The following ADAMTSL1 variants were observed in gnomAD, a reference collection of about 807,000 sequenced individuals.
ADAMTSL1 encodes the protein ADAMTS-like protein 1.
ADAMTSL1 carries 126 observed loss-of-function variants against 201.8 expected under a neutral mutation model. That is an observed-to-expected ratio of 0.62 (90% CI 0.54 to 0.72). ADAMTSL1 has a LOEUF of 0.72. ADAMTSL1 is among the 30% of genes least tolerant of loss of function. The pLI is 0.00. For missense variants in ADAMTSL1, 2,679 were observed against 2,277.8 expected, an observed-to-expected ratio of 1.18 and a Z score of -3.59; for synonymous variants, 1,121 against 903.4, an observed-to-expected ratio of 1.24 and a Z score of -4.32.
intron 2 of ADAMTSL1, among the ~76,000 whole-genome samples, chr9:18,381,692 A>G (rs953858875): frequency 6.6e-6 from 1 of 152,132 alleles, no homozygotes; most frequent in Admixed American, 6.6e-5. Flanking sequence ...ATGAAGGGCC[A>G]TGATGTTACT....
chr9:18,774,549 G>A lies in ADAMTSL1; in HGVS notation c.2398-1194G>A, dbSNP rs184696192. Among the ~76,000 whole-genome samples, 7 of 151,746 alleles carry A rather than the reference G, an allele frequency of 4.6e-5. No individual in the cohort carries two copies. In the East Asian group the frequency reaches 1.4e-3, roughly 29 times the overall value. On this transcript the variant is annotated intron_variant, in intron 17 of 28. Coordinates refer to ENST00000380548, the MANE Select transcript of ADAMTSL1 (RefSeq NM_001040272.6). Reference sequence around the variant, plus strand: ...AGTGTACTATAAGCATTACATTATTGTTACCATTAATTTTATACTACTTTA... The same window carrying A: ...AGTGTACTATAAGCATTACATTATTATTACCATTAATTTTATACTACTTTA...
chr9:18,151,419 C>T (rs1046641181), intron 1 of ADAMTSL1, among the ~76,000 whole-genome samples: 11 of 152,006 alleles, frequency 7.2e-5, no homozygotes, highest in African/African-American at 2.7e-4. Context: ...TAAATTTTTT[C>T]TTCAGCTCCT....
chr9:17,989,788 T>A (rs545419343), intron 1 of ADAMTSL1, among the ~76,000 whole-genome samples: 1 of 151,974 alleles, frequency 6.6e-6, no homozygotes, highest in Non-Finnish European at 1.5e-5. Flanking sequence ...TTGTTGGACA[T>A]TGACATTTTA....
intron 9 of ADAMTSL1, among the ~76,000 whole-genome samples, chr9:18,662,797 A>G (rs1435749703): frequency 6.6e-6 from 1 of 152,234 alleles, no homozygotes; most frequent in Non-Finnish European, 1.5e-5. Context: ...AGTGCAGGTC[A>G]AGAATCTTTT....
At chr9:18,862,361 C>A (rs753548342) in intron 23 of ADAMTSL1, among the ~76,000 whole-genome samples, 3 of 152,138 alleles carry the variant, frequency 2.0e-5, no homozygotes, top group Non-Finnish European at 4.4e-5. Context: ...TTCCTCCAAG[C>A]TGATCTGTGT....
chr9:18,517,562 T>TC (rs913467241), intron 2 of ADAMTSL1, among the ~76,000 whole-genome samples: 1 of 90,686 alleles, frequency 1.1e-5, no homozygotes, highest in South Asian at 4.4e-4. Flanking sequence ...ATGCTATCCC[T>TC]CCCCCCTCCC....
At chr9:18,305,522 G>C (rs957047974) in intron 2 of ADAMTSL1, among the ~76,000 whole-genome samples, 3 of 152,166 alleles carry the variant, frequency 2.0e-5, no homozygotes, top group Non-Finnish European at 4.4e-5. Context: ...TTGGTGGGGG[G>C]AGGGGCATCC....
chr9:18,644,376 T>G (rs1010597462), intron 7 of ADAMTSL1, among the ~76,000 whole-genome samples: 1 of 142,408 alleles, frequency 7.0e-6, no homozygotes, highest in Non-Finnish European at 1.6e-5. Flanking sequence ...TTTTATTTTT[T>G]TTATTTTTAT....
At position 18,048,854 on chromosome 9, in the gene ADAMTSL1, G is replaced by T. The variant is rs554016944; in HGVS notation, c.88-115008G>T. On this transcript the variant is annotated intron_variant, in intron 1 of 29. Transcript: ENST00000680146. ...TATTACTCAGGGCTGCTATGGCAAA[G>T]TACCACAAACTGGGTGGTTTAAAAC... Among the ~76,000 whole-genome samples the T allele has an allele frequency of 4.5e-4, 69 of 152,292 alleles. 1 individual carries two copies. The South Asian group carries it at 0.013, about 29-fold the overall frequency.
chr9:18,489,780 C>T (rs1045394074), intron 1 of ADAMTSL1, among the ~76,000 whole-genome samples: 5 of 152,076 alleles, frequency 3.3e-5, no homozygotes, highest in African/African-American at 4.8e-5. Context: ...TCCAAATGAC[C>T]GACTTACCCA....
At chr9:18,870,257 C>G (rs1827805359) in intron 23 of ADAMTSL1, among the ~76,000 whole-genome samples, 1 of 152,166 alleles carries the variant, frequency 6.6e-6, no homozygotes, top group South Asian at 2.1e-4. Context: ...ATATTGGTCT[C>G]ATTTCCTGTC....
At chr9:18,091,467 A>T (rs901092470) in intron 1 of ADAMTSL1, among the ~76,000 whole-genome samples, 2 of 152,060 alleles carry the variant, frequency 1.3e-5, no homozygotes, top group Non-Finnish European at 2.9e-5. Context: ...CTGAATGTGG[A>T]TTTAATTTCC....
intron 2 of ADAMTSL1, among the ~76,000 whole-genome samples, chr9:18,339,269 C>T (rs1324788242): frequency 6.6e-6 from 1 of 152,046 alleles, no homozygotes; most frequent in Non-Finnish European, 1.5e-5. Flanking sequence ...AAGCAAAAAA[C>T]AACCCCATTA....
intron 9 of ADAMTSL1, among the ~76,000 whole-genome samples, chr9:18,671,382 T>C (rs1829800305): frequency 6.6e-6 from 1 of 152,062 alleles, no homozygotes; most frequent in Admixed American, 6.6e-5. Flanking sequence ...GGCAGCAGAG[T>C]AGGCTGGATT....
At position 18,846,304 on chromosome 9, in the gene ADAMTSL1, A is replaced by C. The variant is rs550228281; in HGVS notation, c.4249+16327A>C. On this transcript the variant is annotated intron_variant, in intron 23 of 28. Coordinates refer to ENST00000380548, the MANE Select transcript of ADAMTSL1 (RefSeq NM_001040272.6). ...AAATGGCAAGAGCTGGGGGCTTTTCAGGTCTCAGCTTGGCCAAGATTGCTT... is the reference window on the plus strand; with the variant it reads ...AAATGGCAAGAGCTGGGGGCTTTTCCGGTCTCAGCTTGGCCAAGATTGCTT... Among the ~76,000 whole-genome samples the C allele has an allele frequency of 5.9e-5, 9 of 152,312 alleles. No homozygotes were observed. The East Asian group carries it at 1.5e-3, about 26-fold the overall frequency.
intron 4 of ADAMTSL1, among the ~76,000 whole-genome samples, chr9:18,620,251 G>A (rs559461287): frequency 1.3e-5 from 2 of 152,036 alleles, no homozygotes; most frequent in East Asian, 1.9e-4. Flanking sequence ...AGTGTCATGT[G>A]TCTGTGTTTT....
Position 18,661,975 on chromosome 9 carries a change from C to A in ADAMTSL1, c.987C>A (p.Ser329Arg), listed in dbSNP as rs774106541. ...CGGCTGAGTGCTACGATCTGAGGAGCAACCGTGTGGTTGCTGACCAATACT... is the reference window on the plus strand; with the variant it reads ...CGGCTGAGTGCTACGATCTGAGGAGAAACCGTGTGGTTGCTGACCAATACT... ...LTSAECYDLR[S>R]NRVVADQYCH... is the part of the protein sequence containing the mutation. The change falls in exon 9 of 29, where the codon AGC becomes AGA. Residue 329 changes from serine to arginine, a missense_variant. Coordinates refer to ENST00000380548, the MANE Select transcript of ADAMTSL1 (RefSeq NM_001040272.6). 1.8e-5 allele frequency: 29 copies of A among 1,613,912 alleles called. No individual in the cohort carries two copies. The highest frequency in any genetic ancestry group is 1.9e-5 in the Non-Finnish European group (23 of 1,179,940).
chr9:18,412,893 A>T (rs955106898), intron 2 of ADAMTSL1, among the ~76,000 whole-genome samples: 2 of 152,130 alleles, frequency 1.3e-5, no homozygotes, highest in African/African-American at 4.8e-5. Flanking sequence ...TGGTTCCTTT[A>T]AATAGGTATG....
chr9:18,317,002 A>T (rs926793939), intron 2 of ADAMTSL1, among the ~76,000 whole-genome samples: 93 of 152,220 alleles, frequency 6.1e-4, no homozygotes, highest in African/African-American at 2.2e-3. Context: ...GGATGAGTGG[A>T]TAGGAAATTG....
Sources: allele counts gnomAD v4.1 joint callset (sites outside exome capture counted in the v4.1 genomes callset), GRCh38; gene constraint gnomAD v4.1.1; transcripts MANE v1.5; gene names NCBI Gene and HGNC (gene_info 2026-07-23, HGNC 2026-07-21).